Variants in MARCHF4 observed in about 807,000 individuals in gnomAD.
The protein encoded by MARCHF4 is membrane associated ring-CH-type finger 4, also known as E3 ubiquitin-protein ligase MARCHF4.
A neutral mutation model predicts 43.9 loss-of-function variants in MARCHF4; 14 were observed. The ratio of observed to expected loss-of-function variants is 0.32; its 90% confidence interval spans 0.21 to 0.50. The LOEUF is 0.50. Among genes scored for constraint, MARCHF4 ranks in the 20% least tolerant of loss-of-function variants. MARCHF4 has a pLI of 0.98. For missense variants in MARCHF4, 468 were observed against 536.7 expected (o/e 0.87, Z 1.27); for synonymous variants, 226 against 213.3 (o/e 1.06, Z -0.52).
chr2:216,316,521 G>C (rs1691779340), intron 1 of MARCHF4, among the ~76,000 whole-genome samples: 1 of 152,122 alleles, frequency 6.6e-6, no homozygotes, highest in Non-Finnish European at 1.5e-5. Context: ...TTTCATTCTT[G>C]AAGAAATGAA....
chr2:216,297,365 C>G (rs531072690), intron 1 of MARCHF4, among the ~76,000 whole-genome samples: 1 of 152,262 alleles, frequency 6.6e-6, no homozygotes, highest in East Asian at 1.9e-4. Context: ...TTTTCCCATT[C>G]CGATCCATAT....
At chr2:216,269,871 A>G (rs1690904401) in intron 3 of MARCHF4, among the ~76,000 whole-genome samples, 1 of 152,142 alleles carries the variant, frequency 6.6e-6, no homozygotes, top group Non-Finnish European at 1.5e-5. Context: ...TTTGTGACTC[A>G]GTCCTTCCTA....
At chr2:216,346,323 C>T (rs944834496) in intron 1 of MARCHF4, among the ~76,000 whole-genome samples, 1 of 151,980 alleles carries the variant, frequency 6.6e-6, no homozygotes, top group African/African-American at 2.4e-5. Flanking sequence ...CCCACCACCC[C>T]CTCATGAACA....
intron 1 of MARCHF4, among the ~76,000 whole-genome samples, chr2:216,320,617 T>A (rs1473606389): frequency 1.5e-5 from 1 of 67,236 alleles, no homozygotes; most frequent in Non-Finnish European, 2.9e-5. Flanking sequence ...TTTTCTTTCT[T>A]TCTTTCTTTC....
intron 1 of MARCHF4, among the ~76,000 whole-genome samples, chr2:216,288,915 C>T (rs367842605): frequency 2.6e-5 from 4 of 152,040 alleles, no homozygotes; most frequent in South Asian, 4.2e-4. Context: ...AAAAGTTATC[C>T]TGCCTCTCCC....
At chr2:216,299,526 C>T (rs1691454518) in intron 1 of MARCHF4, among the ~76,000 whole-genome samples, 2 of 152,206 alleles carry the variant, frequency 1.3e-5, no homozygotes, top group Admixed American at 1.3e-4. Flanking sequence ...TCTTGTATGA[C>T]TGAAAGACTT....
intron 2 of MARCHF4, 41 bp from the exon 3 acceptor site, chr2:216,277,905 C>T: frequency 6.5e-7 from 1 of 1,549,112 alleles, no homozygotes; most frequent in Non-Finnish European, 8.8e-7. Context: ...TGCTTGGATG[C>T]CCTTATCCCA....
chr2:216,283,821 T>G, intron 1 of MARCHF4, 92 bp from the exon 2 acceptor site: 1 of 1,385,666 alleles, frequency 7.2e-7, no homozygotes, highest in Non-Finnish European at 9.7e-7. Context: ...CAGCCTGGTT[T>G]GAGCCACCCA....
intron 1 of MARCHF4, among the ~76,000 whole-genome samples, chr2:216,299,971 A>C (rs1057022972): frequency 3.3e-5 from 5 of 152,172 alleles, no homozygotes; most frequent in African/African-American, 1.2e-4. Context: ...TCAAGCCTCT[A>C]TTTGCATCAA....
intron 1 of MARCHF4, among the ~76,000 whole-genome samples, chr2:216,343,179 TG>T (rs1313278017): frequency 6.6e-6 from 1 of 152,158 alleles, no homozygotes; most frequent in Non-Finnish European, 1.5e-5. Flanking sequence ...GATTTGCTAG[TG>T]GGGTATCTGT....
chr2:216,353,887 A>G (rs1031440221), intron 1 of MARCHF4, among the ~76,000 whole-genome samples: 9 of 151,806 alleles, frequency 5.9e-5, no homozygotes, highest in African/African-American at 2.2e-4. Flanking sequence ...AACAATGCCT[A>G]CTCTTCCCTC....
At chr2:216,349,852 G>C (rs1433550167) in intron 1 of MARCHF4, among the ~76,000 whole-genome samples, 2 of 152,150 alleles carry the variant, frequency 1.3e-5, no homozygotes, top group African/African-American at 4.8e-5. Context: ...TCTCAACAGT[G>C]AGAAGCAGCA....
At chr2:216,308,884 T>G (rs1229848597) in intron 1 of MARCHF4, among the ~76,000 whole-genome samples, 1 of 152,168 alleles carries the variant, frequency 6.6e-6, no homozygotes, top group Non-Finnish European at 1.5e-5. Context: ...CCTGTTCCCC[T>G]TTTTTTCCTA....
intron 1 of MARCHF4, among the ~76,000 whole-genome samples, chr2:216,309,349 T>A (rs979286089): frequency 6.6e-6 from 1 of 152,214 alleles, no homozygotes; most frequent in African/African-American, 2.4e-5. Context: ...TAGATTACCA[T>A]GGCAGCTGGT....
intron 1 of MARCHF4, among the ~76,000 whole-genome samples, chr2:216,319,029 C>T (rs375939986): frequency 6.6e-6 from 1 of 152,002 alleles, no homozygotes; most frequent in Non-Finnish European, 1.5e-5. Context: ...ATCTACCTGC[C>T]GGGTGCGGTG....
chr2:216,299,063 C>T (rs184109224), intron 1 of MARCHF4, among the ~76,000 whole-genome samples: 2 of 152,298 alleles, frequency 1.3e-5, no homozygotes, highest in Admixed American at 1.3e-4. Flanking sequence ...AACATCACCA[C>T]CACTGTGATC....
At chr2:216,356,551 A>G (rs1452533528) in intron 1 of MARCHF4, among the ~76,000 whole-genome samples, 1 of 152,204 alleles carries the variant, frequency 6.6e-6, no homozygotes, top group Non-Finnish European at 1.5e-5. Context: ...CTAAAGCCAC[A>G]CAGCTAGTAA....
chr2:216,288,166 C>T (rs62181067), intron 1 of MARCHF4, among the ~76,000 whole-genome samples: 14,882 of 152,184 alleles, frequency 0.098, 963 homozygotes, highest in South Asian at 0.19. Flanking sequence ...GATTTCACCA[C>T]GTAGCCCAGG....
chr2:216,316,247 A>G (rs958022036), intron 1 of MARCHF4, among the ~76,000 whole-genome samples: 3 of 152,186 alleles, frequency 2.0e-5, no homozygotes, highest in Admixed American at 6.5e-5. Flanking sequence ...TAGAAAGGTC[A>G]CTTGTCCTGA....
Sources: gnomAD v4.1 joint callset for allele counts (sites outside exome capture counted in the v4.1 genomes callset) on GRCh38, gnomAD v4.1.1 for gene constraint, MANE v1.5 for transcripts, NCBI Gene and HGNC (gene_info 2026-07-23, HGNC 2026-07-21) for gene names.